The following NFAT5 variants were observed in gnomAD, a reference collection of about 807,000 sequenced individuals.
The protein encoded by NFAT5 is nuclear factor of activated T-cells 5.
NFAT5 carries 31 observed loss-of-function variants against 166.5 expected under a neutral mutation model. That is an observed-to-expected ratio of 0.19 (90% CI 0.14 to 0.25). The LOEUF is 0.25. Ranked by LOEUF, NFAT5 falls within the 10% of genes least tolerant of loss-of-function variation. The pLI, the probability that NFAT5 is intolerant of heterozygous loss-of-function variation, is 1.00. For synonymous variants in NFAT5, 612 were observed against 639.7 expected, an observed-to-expected ratio of 0.96 and a Z score of 0.65; for missense variants, 1,449 against 1,821.8, an observed-to-expected ratio of 0.80 and a Z score of 3.72.
At chr16:69,643,510 G>T (rs1416774273) in intron 3 of NFAT5, among the ~76,000 whole-genome samples, 1 of 151,620 alleles carries the variant, frequency 6.6e-6, no homozygotes, top group Non-Finnish European at 1.5e-5. Context: ...ATAATTTAAG[G>T]AAATAAAATT....
chr16:69,694,992 A>G (rs2037710806), intron 13 of NFAT5, 144 bp from the exon 14 acceptor site: 3 of 652,504 alleles, frequency 4.6e-6, no homozygotes, highest in African/African-American at 3.7e-5. Flanking sequence ...TTTTAGTAAT[A>G]TACAAGGAGA....
rs2016021022 is a variant in NFAT5 at position 69,566,209 on chromosome 16, C to G, written c.-93C>G. The G allele has an allele frequency of 8.4e-7, 1 of 1,195,554 alleles. No homozygotes were observed. Among genetic ancestry groups the G allele is most frequent in the Non-Finnish European group, 1.2e-6 (1 of 841,092 alleles). 74.1% of individuals were successfully genotyped at this position (1,195,554 alleles called of 1,614,324 possible). The stretch of plus-strand genomic sequence containing the variant: ...GCAGCCGCCCTCGCGTCGCCGCCCC[C>G]GGTTCGGTGCCCGCGGTCCCGGAGA... On this transcript the variant is annotated 5_prime_UTR_variant, in exon 1 of 15. Transcript: ENST00000349945. This position sits in a 1 kb window ranked among gnomAD's most constrained non-coding sequence, Gnocchi z 5.7.
intron 3 of NFAT5, among the ~76,000 whole-genome samples, chr16:69,637,862 T>C (rs2035033519): frequency 6.6e-6 from 1 of 152,250 alleles, no homozygotes; most frequent in Non-Finnish European, 1.5e-5. Flanking sequence ...TAAAGTCTGC[T>C]GTTTAAGAGT....
intron 3 of NFAT5, among the ~76,000 whole-genome samples, chr16:69,642,870 G>C (rs1250934209): frequency 1.3e-5 from 2 of 151,690 alleles, no homozygotes; most frequent in Non-Finnish European, 2.9e-5. Context: ...TTCTATATAA[G>C]TTAGACTATA....
intron 2 of NFAT5, among the ~76,000 whole-genome samples, chr16:69,571,155 A>AAAAAAAAAAC (rs2016411600): frequency 6.8e-6 from 1 of 147,176 alleles, no homozygotes; most frequent in Admixed American, 6.7e-5. Context: ...AAAAAAAAAA[A>AAAAAAAAAAC]AAGCCAGGCA....
chr16:69,576,132 C>A (rs1374949115), intron 2 of NFAT5, among the ~76,000 whole-genome samples: 1 of 151,466 alleles, frequency 6.6e-6, no homozygotes, highest in African/African-American at 2.4e-5. Flanking sequence ...GAAACCCCGT[C>A]TCTACTAAAA....
chr16:69,642,302 C>T (rs575313864), intron 3 of NFAT5, among the ~76,000 whole-genome samples: 41 of 152,242 alleles, frequency 2.7e-4, no homozygotes, highest in Admixed American at 7.9e-4. Context: ...ACCATCGTTA[C>T]TGGCATTTGG....
chr16:69,622,173 T>C (rs964099965), intron 2 of NFAT5, among the ~76,000 whole-genome samples: 1 of 152,200 alleles, frequency 6.6e-6, no homozygotes, highest in African/African-American at 2.4e-5. Context: ...GTTCAGATTG[T>C]ATGGTTATAG....
At chr16:69,625,561 A>C (rs868058238) in intron 2 of NFAT5, among the ~76,000 whole-genome samples, 6 of 151,668 alleles carry the variant, frequency 4.0e-5, no homozygotes, top group African/African-American at 1.2e-4. Context: ...CAATCCACAA[A>C]GTTTTTCTTT....
At chr16:69,641,776 A>G (rs1015143314) in intron 3 of NFAT5, among the ~76,000 whole-genome samples, 2 of 152,148 alleles carry the variant, frequency 1.3e-5, no homozygotes, top group African/African-American at 4.8e-5. Context: ...TAAAATCTAC[A>G]TGGGTTTCTA....
At chr16:69,642,854 A>G (rs970018326) in intron 3 of NFAT5, among the ~76,000 whole-genome samples, 2 of 152,006 alleles carry the variant, frequency 1.3e-5, no homozygotes, top group Admixed American at 1.3e-4. Context: ...AAGGAAAAAA[A>G]AAGTATTCTA....
chr16:69,592,528 ATTC>A (rs2032532006), intron 2 of NFAT5, among the ~76,000 whole-genome samples: 1 of 152,188 alleles, frequency 6.6e-6, no homozygotes, highest in Non-Finnish European at 1.5e-5. Context: ...ATTATTTCAA[ATTC>A]TTATGATCTC....
intron 2 of NFAT5, among the ~76,000 whole-genome samples, chr16:69,616,618 C>G (rs1011744619): frequency 2.0e-5 from 3 of 152,148 alleles, no homozygotes; most frequent in Non-Finnish European, 2.9e-5. Flanking sequence ...CCTCATCCCA[C>G]CTCTTGGGCA....
At chr16:69,659,135 T>A (rs72783107) in intron 6 of NFAT5, among the ~76,000 whole-genome samples, 11,659 of 151,698 alleles carry the variant, frequency 0.077, 495 homozygotes, top group Middle Eastern at 0.12. Flanking sequence ...TTTATTTTTT[T>A]TTTTTTTTTA....
At chr16:69,593,328 T>C (rs1489664842) in intron 2 of NFAT5, among the ~76,000 whole-genome samples, 1 of 152,114 alleles carries the variant, frequency 6.6e-6, no homozygotes, top group Non-Finnish European at 1.5e-5. Flanking sequence ...CACAGTTACT[T>C]CTTTTTTAAA....
At chr16:69,611,528 T>C (rs1017981558) in intron 2 of NFAT5, among the ~76,000 whole-genome samples, 3 of 152,208 alleles carry the variant, frequency 2.0e-5, no homozygotes, top group Admixed American at 1.3e-4. Context: ...TTATAAACAA[T>C]AGAAATGTAT....
chr16:69,681,947 A>G (rs2037079365), intron 10 of NFAT5, among the ~76,000 whole-genome samples: 1 of 151,534 alleles, frequency 6.6e-6, no homozygotes, highest in African/African-American at 2.4e-5. Context: ...AAGAAAAGAA[A>G]ATCTAGGGAT....
chr16:69,573,397 TA>T, intron 2 of NFAT5, among the ~76,000 whole-genome samples: 1 of 152,336 alleles, frequency 6.6e-6, no homozygotes, highest in South Asian at 2.1e-4. Flanking sequence ...TCATAGATCA[TA>T]AATGCCTATA....
chr16:69,638,252 AAAC>A (rs1007601712), intron 3 of NFAT5, among the ~76,000 whole-genome samples: 1 of 152,014 alleles, frequency 6.6e-6, no homozygotes, highest in Non-Finnish European at 1.5e-5. Flanking sequence ...CAAAAACAAA[AAAC>A]AAAAAAACTT....
Sources: allele counts gnomAD v4.1 joint callset (sites outside exome capture counted in the v4.1 genomes callset), GRCh38; gene constraint gnomAD v4.1.1; non-coding constraint Gnocchi (gnomAD v3.1); transcripts MANE v1.5; gene names NCBI Gene and HGNC (gene_info 2026-07-23, HGNC 2026-07-21).